The following XPO6 variants were observed in gnomAD, a reference collection of about 807,000 sequenced individuals.
The protein encoded by XPO6 is exportin 6.
Under a neutral mutation model 130.0 loss-of-function variants are expected in XPO6, and 3 were observed. The ratio of observed to expected loss-of-function variants is 0.02; its 90% CI spans 0.01 to 0.06. The LOEUF is 0.06. XPO6 is among the 10% of genes least tolerant of loss of function. The pLI, the probability that XPO6 is intolerant of heterozygous loss-of-function variation, is 1.00. For synonymous variants in XPO6, 524 were observed against 548.9 expected (o/e 0.95, Z 0.63); for missense variants, 970 against 1,393.0 (o/e 0.70, Z 4.83).
intron 8 of XPO6, among the ~76,000 whole-genome samples, chr16:28,147,272 G>C (rs1043095225): frequency 6.6e-6 from 1 of 152,122 alleles, no homozygotes; most frequent in South Asian, 2.1e-4. Flanking sequence ...GACAGAATAA[G>C]TGTAACTTGG....
intron 14 of XPO6, among the ~76,000 whole-genome samples, chr16:28,118,677 T>G (rs774333774): frequency 6.6e-5 from 10 of 152,194 alleles, no homozygotes; most frequent in Non-Finnish European, 1.5e-4. Flanking sequence ...TCACTTTGAA[T>G]GAGTAGATTA....
intron 11 of XPO6, among the ~76,000 whole-genome samples, chr16:28,133,165 G>A (rs199936200): frequency 4.6e-5 from 7 of 152,096 alleles, no homozygotes; most frequent in Non-Finnish European, 8.8e-5. Flanking sequence ...GTGAAACCCC[G>A]TCTCCACTAA....
intron 12 of XPO6, among the ~76,000 whole-genome samples, chr16:28,130,446 G>C (rs1408247494): frequency 6.6e-6 from 1 of 152,190 alleles, no homozygotes; most frequent in Non-Finnish European, 1.5e-5. Context: ...TTATTTGAGG[G>C]GGTAAATGGC....
rs1201271397 is a variant in XPO6, at chr16:28,121,748, G to A, written c.1781C>T (p.Thr594Ile). 1 of 1,613,608 alleles carries A rather than the reference G, an allele frequency of 6.2e-7. No individual in the cohort carries two copies. Among genetic ancestry groups the A allele is most frequent in the Non-Finnish European group, 8.5e-7 (1 of 1,179,576 alleles). The part of the protein sequence containing the change: ...LTVVERLVKV[T>I]LYGSQIKLYN... ...CAATTTTATCTGAGATCCGTACAGA[G>A]TGACTTTGACCAACCTGTTGGCAAA... Residue 594 changes from threonine (T) to isoleucine (I), a missense_variant, in exon 14 of 24, where the codon ACT becomes ATT. Thr to Ile is a moderately conservative substitution (Grantham distance 89). Transcript: ENST00000304658.
chr16:28,166,743 C>A, intron 5 of XPO6, 158 bp from the exon 6 acceptor site: 2 of 985,446 alleles, frequency 2.0e-6, no homozygotes, highest in Non-Finnish European at 2.4e-6. Flanking sequence ...TGCCTCTCGA[C>A]TTCACAGCTA....
chr16:28,152,122 G>T (rs1018043373), intron 8 of XPO6, among the ~76,000 whole-genome samples: 2 of 152,098 alleles, frequency 1.3e-5, no homozygotes, highest in Non-Finnish European at 2.9e-5. Context: ...AGGGTCACTA[G>T]AATGTAAGTA....
Position 28,173,903 on chromosome 16 carries a change from A to G in XPO6, c.405+1995T>C, listed in dbSNP as rs371178710. Among the ~76,000 whole-genome samples, 3 of 152,290 alleles carry G rather than the reference A, an allele frequency of 2.0e-5. No homozygotes were observed. The East Asian group carries it at 5.8e-4, about 29-fold the overall frequency. On this transcript the variant is annotated intron_variant, in intron 4 of 23. Transcript: ENST00000304658. ...CAAAGGGACCAATCCCAGCGGTGGAACTGTGGCTCCACCTTACCTGCTATC... is the reference window on the plus strand; with the variant it reads ...CAAAGGGACCAATCCCAGCGGTGGAGCTGTGGCTCCACCTTACCTGCTATC...
chr16:28,110,879 A>T (rs1179395202), intron 17 of XPO6, among the ~76,000 whole-genome samples: 1 of 152,260 alleles, frequency 6.6e-6, no homozygotes, highest in Non-Finnish European at 1.5e-5. Context: ...AGAATCACCA[A>T]GGCAAGAGCC....
rs950185756 is a variant in XPO6 at position 28,098,304 on chromosome 16, C to A, written c.*234G>T. On this transcript the variant is annotated 3_prime_UTR_variant, in exon 24 of 24. Coordinates refer to ENST00000304658, the MANE Select transcript of XPO6 (RefSeq NM_015171.4). ...GTGCCTCCTAGTACCTGGCCACACACCCCTCCGCCTGCTCCAACGCCCTGG... is the reference window on the plus strand; with the variant it reads ...GTGCCTCCTAGTACCTGGCCACACAACCCTCCGCCTGCTCCAACGCCCTGG... The A allele has an allele frequency of 8.6e-6, 4 of 466,690 alleles. No homozygotes were observed. 28.9% of individuals were successfully genotyped at this position (466,690 alleles called of 1,614,324 possible).
At chr16:28,142,338 T>C (rs1032629788) in intron 9 of XPO6, among the ~76,000 whole-genome samples, 1 of 152,230 alleles carries the variant, frequency 6.6e-6, no homozygotes, top group Non-Finnish European at 1.5e-5. Context: ...ATATCTCTGA[T>C]ATATTAAGAG....
intron 12 of XPO6, 135 bp from the exon 13 acceptor site, chr16:28,125,983 C>T: frequency 9.0e-7 from 1 of 1,108,820 alleles, no homozygotes; most frequent in Non-Finnish European, 1.3e-6. Flanking sequence ...AACCCACGGG[C>T]TGCTTCCCAG....
At chr16:28,182,987 A>T (rs2141875104) in intron 1 of XPO6, among the ~76,000 whole-genome samples, 1 of 152,338 alleles carries the variant, frequency 6.6e-6, no homozygotes, top group African/African-American at 2.4e-5. Flanking sequence ...GTTCTTCTGG[A>T]GCCAAAATGT....
intron 12 of XPO6, among the ~76,000 whole-genome samples, chr16:28,129,923 C>A (rs918253118): frequency 1.3e-5 from 2 of 152,156 alleles, no homozygotes; most frequent in Non-Finnish European, 1.5e-5. Context: ...GGGTCACATA[C>A]GGATGTCAAT....
In XPO6 at chr16:28,195,647, G is replaced by A. The variant is rs545778303; in HGVS notation, c.4-14616C>T. On this transcript the variant is annotated intron_variant, in intron 1 of 23. Transcript: ENST00000304658. ...GTGAGCCTGTAGTACCAGCTACTCG[G>A]GAGGTTGAGGCAGAAGAATTGCTTG... 1.4e-3 allele frequency among the ~76,000 whole-genome samples: 219 copies of A among 152,288 alleles called. 1 individual carries two copies. Among genetic ancestry groups the A allele is most frequent in the Non-Finnish European group, 4.0e-4 (27 of 68,032 alleles).
chr16:28,172,056 A>G lies in XPO6; in HGVS notation c.406-2147T>C, dbSNP rs2043457953. Among the ~76,000 whole-genome samples, 3 of 152,200 alleles carry G rather than the reference A, an allele frequency of 2.0e-5. No individual in the cohort carries two copies. In the South Asian group the frequency reaches 6.2e-4, roughly 31 times the overall value. Reference sequence around the variant, plus strand: ...TGAAATGCTGTGCTTCCCAGATATAAAAATCCCCTACGATATGGAAAATCT... The same window carrying G: ...TGAAATGCTGTGCTTCCCAGATATAGAAATCCCCTACGATATGGAAAATCT... On this transcript the variant is annotated intron_variant, in intron 4 of 23. Coordinates refer to ENST00000304658, the MANE Select transcript of XPO6 (RefSeq NM_015171.4).
At chr16:28,128,893 A>T (rs1265916825) in intron 12 of XPO6, among the ~76,000 whole-genome samples, 1 of 152,190 alleles carries the variant, frequency 6.6e-6, no homozygotes, top group South Asian at 2.1e-4. Context: ...CTGGGGATGT[A>T]ACCCCTCATT....
intron 1 of XPO6, among the ~76,000 whole-genome samples, chr16:28,188,239 G>A (rs1412049783): frequency 6.6e-6 from 1 of 152,184 alleles, no homozygotes; most frequent in Non-Finnish European, 1.5e-5. Flanking sequence ...AACATGCCCA[G>A]CCAAAAATGA....
intron 8 of XPO6, among the ~76,000 whole-genome samples, chr16:28,148,400 TC>T (rs1404199405): frequency 4.6e-5 from 7 of 152,280 alleles, no homozygotes; most frequent in Non-Finnish European, 4.4e-5. Context: ...CATGGTTCAT[TC>T]CGGTCATCAA....
intron 14 of XPO6, 76 bp from the exon 15 acceptor site, chr16:28,117,538 G>T: frequency 6.6e-7 from 1 of 1,521,628 alleles, no homozygotes; most frequent in Non-Finnish European, 8.9e-7. Flanking sequence ...TTTCATAGGA[G>T]GTAAGAATTG....
Sources: gnomAD v4.1 joint callset for allele counts (sites outside exome capture counted in the v4.1 genomes callset) on GRCh38, gnomAD v4.1.1 for gene constraint, MANE v1.5 for transcripts, NCBI Gene and HGNC (gene_info 2026-07-23, HGNC 2026-07-21) for gene names.